The following CYSTM1 variants were observed in gnomAD, a reference collection of about 807,000 sequenced individuals.
CYSTM1 encodes the protein cysteine rich transmembrane module containing 1.
In CYSTM1, 4 loss-of-function variants were observed where a neutral mutation model predicts 13.1. The ratio of observed to expected loss-of-function variants is 0.31; its 90% CI spans 0.15 to 0.70. CYSTM1 has a LOEUF of 0.70. Among genes scored for constraint, CYSTM1 ranks in the 30% least tolerant of loss-of-function variants. The probability of loss-of-function intolerance (pLI) is 0.72; values close to 1 mark genes in which losing one functional copy is unlikely to be tolerated. For synonymous variants in CYSTM1, 36 were observed against 42.7 expected, an observed-to-expected ratio of 0.84 and a Z score of 0.62; for missense variants, 96 against 121.6, an observed-to-expected ratio of 0.79 and a Z score of 0.99.
chr5:140,191,455 G>T (rs1220169388), intron 1 of CYSTM1, among the ~76,000 whole-genome samples: 3 of 152,170 alleles, frequency 2.0e-5, no homozygotes, highest in Non-Finnish European at 4.4e-5. Flanking sequence ...TAAGTGGGGA[G>T]GACGCATACA....
intron 2 of CYSTM1, among the ~76,000 whole-genome samples, chr5:140,198,997 C>T (rs1764186745): frequency 6.6e-6 from 1 of 152,126 alleles, no homozygotes; most frequent in Non-Finnish European, 1.5e-5. Context: ...TGGTGTTCCC[C>T]TCCCTGTGTC....
intron 1 of CYSTM1, among the ~76,000 whole-genome samples, chr5:140,177,788 G>A (rs1763909130): frequency 6.6e-6 from 1 of 152,140 alleles, no homozygotes; most frequent in Non-Finnish European, 1.5e-5. Flanking sequence ...AGAATCGCTG[G>A]AAATCAGATG....
At chr5:140,195,320 G>A (rs1294131219) in intron 2 of CYSTM1, among the ~76,000 whole-genome samples, 1 of 151,886 alleles carries the variant, frequency 6.6e-6, no homozygotes, top group Non-Finnish European at 1.5e-5. Flanking sequence ...TTTACAGAAA[G>A]TATCAGTCTG....
At chr5:140,211,614 C>A (rs1465875266) in intron 2 of CYSTM1, among the ~76,000 whole-genome samples, 2 of 152,182 alleles carry the variant, frequency 1.3e-5, no homozygotes, top group Non-Finnish European at 2.9e-5. Context: ...ACCTACTCTT[C>A]CCTTTTCCCC....
intron 1 of CYSTM1, among the ~76,000 whole-genome samples, chr5:140,177,518 G>C (rs969857417): frequency 2.6e-5 from 4 of 152,174 alleles, no homozygotes; most frequent in Non-Finnish European, 5.9e-5. Flanking sequence ...GTGAAAGGCA[G>C]GTTTGGGAAT....
At chr5:140,205,612 C>G (rs1410549694) in intron 2 of CYSTM1, among the ~76,000 whole-genome samples, 1 of 152,148 alleles carries the variant, frequency 6.6e-6, no homozygotes, top group Non-Finnish European at 1.5e-5. Flanking sequence ...CCCTGAGCTT[C>G]TGCCTTCTTG....
chr5:140,228,249 C>T (rs1764582188), intron 2 of CYSTM1, among the ~76,000 whole-genome samples: 1 of 152,184 alleles, frequency 6.6e-6, no homozygotes, highest in Admixed American at 6.5e-5. Flanking sequence ...CCTAAATTCT[C>T]CTTCAAAGAG....
At chr5:140,184,282 C>T (rs1462641581) in intron 1 of CYSTM1, among the ~76,000 whole-genome samples, 2 of 151,890 alleles carry the variant, frequency 1.3e-5, no homozygotes, top group East Asian at 1.9e-4. Context: ...TCTTCTGAAG[C>T]GTCATATAGC....
At chr5:140,190,848 T>C (rs1764086334) in intron 1 of CYSTM1, among the ~76,000 whole-genome samples, 1 of 152,254 alleles carries the variant, frequency 6.6e-6, no homozygotes, top group East Asian at 1.9e-4. Flanking sequence ...TCTTTAATGC[T>C]ACAATTTACA....
chr5:140,177,076 A>AAAACAAAAAAAAAACAACAAC (rs1230073619), intron 1 of CYSTM1, among the ~76,000 whole-genome samples: 2 of 151,110 alleles, frequency 1.3e-5, no homozygotes, highest in African/African-American at 4.9e-5. Flanking sequence ...CTCAAAAAAA[A>AAAACAAAAAAAAAACAACAAC]AAAAAAAAAA....
At position 140,219,832 on chromosome 5, in the gene CYSTM1, T is replaced by C. The variant is rs139531040; in HGVS notation, c.188-23473T>C. Among the ~76,000 whole-genome samples, 291 of 152,334 alleles carry C rather than the reference T, an allele frequency of 1.9e-3. 3 individuals carry two copies. Among genetic ancestry groups the C allele is most frequent in the African/African-American group, 6.3e-3 (262 of 41,582 alleles). Reference sequence around the variant, plus strand: ...GCACTCAATGTGAATCAGGCTAACATTGACGATAACAGAGTAGTCTGTGCC... The same window carrying C: ...GCACTCAATGTGAATCAGGCTAACACTGACGATAACAGAGTAGTCTGTGCC... On this transcript the variant is annotated intron_variant, in intron 2 of 2. Transcript: ENST00000261811. The surrounding 1 kb of genome is among the most constrained non-coding windows in gnomAD (Gnocchi z 4.1).
chr5:140,220,490 A>G (rs192410053), intron 2 of CYSTM1, among the ~76,000 whole-genome samples: 2 of 152,112 alleles, frequency 1.3e-5, no homozygotes, highest in Admixed American at 1.3e-4. Context: ...TTTTGTTCCA[A>G]TTGTGTTTAT....
intron 2 of CYSTM1, among the ~76,000 whole-genome samples, chr5:140,203,609 A>G (rs1345249072): frequency 6.6e-6 from 1 of 152,254 alleles, no homozygotes; most frequent in Non-Finnish European, 1.5e-5. Context: ...TCTAATAAAT[A>G]TGCCATAGTA....
chr5:140,181,963 A>C (rs1321145951), intron 1 of CYSTM1, among the ~76,000 whole-genome samples: 1 of 152,214 alleles, frequency 6.6e-6, no homozygotes, highest in Non-Finnish European at 1.5e-5. Context: ...AGGGTCTTGA[A>C]AGTAAACCCT....
intron 1 of CYSTM1, among the ~76,000 whole-genome samples, chr5:140,187,132 CAAACAAACAAAT>C (rs1331976552): frequency 6.6e-6 from 1 of 150,600 alleles, no homozygotes; most frequent in Non-Finnish European, 1.5e-5. Context: ...TCTCAAAAAA[CAAACAAACAAAT>C]AAACAAACAC....
chr5:140,197,465 C>A (rs1300115163), intron 2 of CYSTM1, among the ~76,000 whole-genome samples: 1 of 152,168 alleles, frequency 6.6e-6, no homozygotes, highest in Non-Finnish European at 1.5e-5. Flanking sequence ...TTATTAACTG[C>A]CCAGATCCTT....
chr5:140,182,876 C>T (rs991694503), intron 1 of CYSTM1, among the ~76,000 whole-genome samples: 5 of 152,122 alleles, frequency 3.3e-5, no homozygotes, highest in Non-Finnish European at 7.4e-5. Flanking sequence ...ATGAGTGGTA[C>T]TTCCTGGTTT....
chr5:140,233,780 A>G (rs1002239872), intron 2 of CYSTM1, among the ~76,000 whole-genome samples: 2 of 152,114 alleles, frequency 1.3e-5, no homozygotes, highest in African/African-American at 4.8e-5. Context: ...TCTTTGGTGA[A>G]GTGTTTTTTC....
chr5:140,176,389 A>G (rs748206375), intron 1 of CYSTM1, among the ~76,000 whole-genome samples: 1 of 152,218 alleles, frequency 6.6e-6, no homozygotes. Flanking sequence ...ATAATTGTAC[A>G]TATTTATAGA....
Sources: gnomAD v4.1 joint callset for allele counts (sites outside exome capture counted in the v4.1 genomes callset) on GRCh38, gnomAD v4.1.1 for gene constraint, Gnocchi (gnomAD v3.1) non-coding constraint, MANE v1.5 for transcripts, NCBI Gene and HGNC (gene_info 2026-07-23, HGNC 2026-07-21) for gene names.